Variants in DPF3 observed in about 807,000 individuals in gnomAD.
The protein encoded by DPF3 is zinc finger protein DPF3.
Under a neutral mutation model 56.8 loss-of-function variants are expected in DPF3, and 18 were observed. The observed-to-expected ratio is 0.32, with a 90% confidence interval of 0.22 to 0.47. DPF3 has a LOEUF of 0.47. Among genes scored for constraint, DPF3 ranks in the 20% least tolerant of loss-of-function variants. DPF3 has a pLI of 1.00. For synonymous variants in DPF3, 188 were observed against 180.2 expected (o/e 1.04, Z -0.35); for missense variants, 403 against 488.8 (o/e 0.82, Z 1.65).
intron 1 of DPF3, chr14:72,892,627 T>A (rs1478978840): frequency 7.7e-6 from 9 of 1,162,172 alleles, no homozygotes; most frequent in Non-Finnish European, 9.5e-6. Flanking sequence ...ACTCCAGGAG[T>A]GGCCAGGGGT....
At chr14:72,820,492 G>A (rs998390783) in intron 1 of DPF3, among the ~76,000 whole-genome samples, 17 of 152,096 alleles carry the variant, frequency 1.1e-4, no homozygotes, top group Non-Finnish European at 2.4e-4. Context: ...GATAATACTA[G>A]TATTGTAGGA....
At chr14:72,873,411 A>T (rs1195374186) in intron 1 of DPF3, among the ~76,000 whole-genome samples, 1 of 152,226 alleles carries the variant, frequency 6.6e-6, no homozygotes, top group East Asian at 1.9e-4. Flanking sequence ...ATCATTAAAA[A>T]GTCAGGAAAC....
rs527696273 is a variant in DPF3, at chr14:72,640,882, G to A, written c.872-11146C>T. Among the ~76,000 whole-genome samples, 10 of 152,316 alleles carry A rather than the reference G, an allele frequency of 6.6e-5. 1 individual carries two copies. In the South Asian group the frequency reaches 2.1e-3, roughly 32 times the overall value. On this transcript the variant is annotated intron_variant, in intron 8 of 10. Coordinates refer to ENST00000556509, the MANE Select transcript of DPF3 (RefSeq NM_001280542.3). The stretch of plus-strand genomic sequence containing the variant: ...GGTAGATGAAGCCTTGGAAGTTGGT[G>A]AGACATTCAGGAAGAGACCACAGAG...
chr14:72,646,480 A>G (rs1169717122), intron 8 of DPF3, among the ~76,000 whole-genome samples: 3 of 152,222 alleles, frequency 2.0e-5, no homozygotes, highest in Non-Finnish European at 4.4e-5. Flanking sequence ...GGCCACTGTC[A>G]GGGACAGGAC....
chr14:72,622,257 T>G (rs940911445), intron 9 of DPF3, among the ~76,000 whole-genome samples: 10 of 152,148 alleles, frequency 6.6e-5, no homozygotes, highest in Non-Finnish European at 1.3e-4. Context: ...AAGAGTTTAC[T>G]GAGAAGAAGT....
intron 1 of DPF3, among the ~76,000 whole-genome samples, chr14:72,845,747 T>C (rs148401100): frequency 1.2e-3 from 185 of 152,294 alleles, no homozygotes; most frequent in Non-Finnish European, 2.1e-3. Flanking sequence ...TCTTTTTCTG[T>C]TAAAATCTAT....
At chr14:72,877,291 G>A (rs552737017) in intron 1 of DPF3, among the ~76,000 whole-genome samples, 2 of 152,264 alleles carry the variant, frequency 1.3e-5, no homozygotes, top group South Asian at 2.1e-4. Context: ...CAGGGCTGCC[G>A]GCTCTGAGTT....
intron 1 of DPF3, among the ~76,000 whole-genome samples, chr14:72,850,820 T>C (rs1384177064): frequency 1.6e-4 from 25 of 152,018 alleles, no homozygotes; most frequent in South Asian, 4.1e-4. Context: ...TGTGTGTGTG[T>C]GCGCACGCGC....
In DPF3 at chr14:72,618,759, C is replaced by G. The variant is rs2153565655; in HGVS notation, c.*538G>C. ...CTTTGTCTCCACAGACACCAAGGAACAAGAAAGGGTTTCAAGACCCCAAGT... is the reference window on the plus strand; with the variant it reads ...CTTTGTCTCCACAGACACCAAGGAAGAAGAAAGGGTTTCAAGACCCCAAGT... On this transcript the variant is annotated 3_prime_UTR_variant, in exon 11 of 11. Transcript: ENST00000556509. Among the ~76,000 whole-genome samples, 1 of 152,196 alleles carries G rather than the reference C, an allele frequency of 6.6e-6. No homozygotes were observed. Among genetic ancestry groups the G allele is most frequent in the Middle Eastern group, 3.4e-3 (1 of 294 alleles).
At chr14:72,700,036 G>C (rs1400759234) in intron 6 of DPF3, among the ~76,000 whole-genome samples, 1 of 152,190 alleles carries the variant, frequency 6.6e-6, no homozygotes, top group Non-Finnish European at 1.5e-5. Context: ...TGACTCCCAA[G>C]TCTTAGTCCT....
chr14:72,828,696 C>A (rs1396671865), intron 1 of DPF3, among the ~76,000 whole-genome samples: 1 of 152,020 alleles, frequency 6.6e-6, no homozygotes, highest in East Asian at 1.9e-4. Flanking sequence ...CTGAGAAAGA[C>A]TGAAGAGGGA....
At position 72,840,576 on chromosome 14, in the gene DPF3, G is replaced by A. The variant is rs371503459; in HGVS notation, c.32+53481C>T. Among the ~76,000 whole-genome samples the A allele has an allele frequency of 4.6e-5, 7 of 152,146 alleles. No homozygotes were observed. In the South Asian group the frequency reaches 1.2e-3, roughly 27 times the overall value. ...GTGAAGTTTTGGACAGTGTGGGGGC[G>A]TTATTGTTTAACAAAAATGGAATTA... On this transcript the variant is annotated intron_variant, in intron 1 of 10. Coordinates refer to ENST00000556509, the MANE Select transcript of DPF3 (RefSeq NM_001280542.3).
intron 7 of DPF3, chr14:72,679,148 C>G (rs555379970): frequency 6.6e-6 from 1 of 152,210 alleles, no homozygotes; most frequent in African/African-American, 2.4e-5. Context: ...ATAAAACTAC[C>G]GCCCAGGCAG....
At chr14:72,677,891 T>C (rs1188545385) in intron 7 of DPF3, among the ~76,000 whole-genome samples, 1 of 152,048 alleles carries the variant, frequency 6.6e-6, no homozygotes, top group Non-Finnish European at 1.5e-5. Context: ...CACAAGAACA[T>C]AGAAGACAAT....
chr14:72,728,458 G>T (rs1478931442), intron 4 of DPF3, among the ~76,000 whole-genome samples: 1 of 152,182 alleles, frequency 6.6e-6, no homozygotes, highest in African/African-American at 2.4e-5. Flanking sequence ...GAAAGGAGTA[G>T]TGGAAAATAA....
chr14:72,719,992 C>T (rs1889098891), intron 5 of DPF3, among the ~76,000 whole-genome samples: 1 of 151,820 alleles, frequency 6.6e-6, no homozygotes, highest in Admixed American at 6.6e-5. Context: ...CACCTGGGGG[C>T]TTGTCAAAGT....
intron 1 of DPF3, among the ~76,000 whole-genome samples, chr14:72,877,254 G>A (rs1035298904): frequency 3.3e-5 from 5 of 152,184 alleles, no homozygotes; most frequent in African/African-American, 1.2e-4. Context: ...AAAAGCTACA[G>A]TAGAGCCTGG....
intron 8 of DPF3, among the ~76,000 whole-genome samples, chr14:72,637,113 A>G (rs1345952495): frequency 6.6e-6 from 1 of 152,236 alleles, no homozygotes; most frequent in Admixed American, 6.5e-5. Context: ...ACATTCATGC[A>G]AGAGTATTAC....
intron 6 of DPF3, among the ~76,000 whole-genome samples, chr14:72,693,857 G>T (rs780093490): frequency 1.6e-4 from 25 of 152,186 alleles, no homozygotes; most frequent in Non-Finnish European, 3.4e-4. Context: ...TAATCCTTTT[G>T]ATGTCTCACC....
Sources: gnomAD v4.1 joint callset for allele counts (sites outside exome capture counted in the v4.1 genomes callset) on GRCh38, gnomAD v4.1.1 for gene constraint, MANE v1.5 for transcripts, NCBI Gene and HGNC (gene_info 2026-07-23, HGNC 2026-07-21) for gene names.